DIAPH2: variants seen among roughly 807,000 people sequenced by gnomAD.
DIAPH2 encodes the protein diaphanous related formin 2, also known as protein diaphanous homolog 2.
A neutral mutation model predicts 92.7 loss-of-function variants in DIAPH2; 35 were observed. That is an observed-to-expected ratio of 0.38 (90% CI 0.29 to 0.50). The LOEUF (loss-of-function observed/expected upper bound fraction) is 0.50, where lower values mean the gene tolerates loss of function less well. DIAPH2 is among the 20% of genes least tolerant of loss of function. The probability of loss-of-function intolerance (pLI) is 0.94; values close to 1 mark genes in which losing one functional copy is unlikely to be tolerated. For missense variants in DIAPH2, 701 were observed against 819.5 expected (o/e 0.86, Z 1.77); for synonymous variants, 301 against 280.4 (o/e 1.07, Z -0.73).
chrX:97,094,220 G>A (rs962600380), intron 19 of DIAPH2, among the ~76,000 whole-genome samples: 90 of 111,635 alleles, frequency 8.1e-4, no homozygotes, highest in African/African-American at 2.9e-3. Flanking sequence ...CAGGGCTGGA[G>A]ACGTTCATTT....
chrX:96,798,252 C>A (rs1301413529), intron 4 of DIAPH2, among the ~76,000 whole-genome samples: 1 of 112,040 alleles, frequency 8.9e-6, no homozygotes, highest in Non-Finnish European at 1.9e-5. Context: ...TGTAGTAGAT[C>A]ACTTTATATT....
intron 1 of DIAPH2, among the ~76,000 whole-genome samples, chrX:96,693,871 C>G (rs1041482665): frequency 8.9e-6 from 1 of 111,812 alleles, no homozygotes; most frequent in Non-Finnish European, 1.9e-5. Context: ...CCCATCTCTA[C>G]TAAAAATACA....
intron 5 of DIAPH2, among the ~76,000 whole-genome samples, chrX:96,898,766 A>G (rs1337339007): frequency 2.8e-5 from 3 of 105,951 alleles, no homozygotes; most frequent in African/African-American, 1.0e-4. Flanking sequence ...TTTTGTTGCC[A>G]TTGCTTTTGG....
intron 4 of DIAPH2, among the ~76,000 whole-genome samples, chrX:96,786,400 T>C (rs1468327299): frequency 1.1e-4 from 12 of 111,816 alleles, no homozygotes; most frequent in Admixed American, 1.0e-3. Context: ...GCCATGTCTG[T>C]TGTGAAGAGC....
At chrX:97,488,955 C>T (rs1021818164) in intron 26 of DIAPH2, among the ~76,000 whole-genome samples, 1 of 111,807 alleles carries the variant, frequency 8.9e-6, no homozygotes, top group East Asian at 2.8e-4. Context: ...ATGAATTTTA[C>T]GATGGGTTTT....
intron 24 of DIAPH2, among the ~76,000 whole-genome samples, chrX:97,356,157 C>T (rs2069264661): frequency 9.0e-6 from 1 of 111,570 alleles, no homozygotes; most frequent in Non-Finnish European, 1.9e-5. Context: ...GTTCATTTTG[C>T]ATCTCTTCTG....
chrX:97,504,416 A>G (rs1387710583), intron 26 of DIAPH2, among the ~76,000 whole-genome samples: 3 of 112,664 alleles, frequency 2.7e-5, no homozygotes, highest in African/African-American at 9.7e-5. Context: ...TGTCGATCCA[A>G]TTATGCTTTT....
chrX:97,337,937 A>G (rs924029431), intron 23 of DIAPH2, among the ~76,000 whole-genome samples: 1 of 106,663 alleles, frequency 9.4e-6, no homozygotes, highest in Non-Finnish European at 1.9e-5. Context: ...CAGTGGTGCA[A>G]TCTCAGCTCA....
At chrX:97,059,502 A>G (rs377473270) in intron 17 of DIAPH2, among the ~76,000 whole-genome samples, 2 of 111,367 alleles carry the variant, frequency 1.8e-5, no homozygotes, top group African/African-American at 6.5e-5. Context: ...CCCGCCATGC[A>G]GTTGAAAACT....
chrX:97,396,602 C>T (rs1279334217), intron 25 of DIAPH2, among the ~76,000 whole-genome samples: 1 of 110,891 alleles, frequency 9.0e-6, no homozygotes, highest in Non-Finnish European at 1.9e-5. Flanking sequence ...AACCCGGGTA[C>T]TCCAGTCTGG....
chrX:97,211,382 AT>A (rs967062061), intron 22 of DIAPH2, among the ~76,000 whole-genome samples: 4 of 111,337 alleles, frequency 3.6e-5, no homozygotes, highest in African/African-American at 1.3e-4. Flanking sequence ...AACTAATAGT[AT>A]TTGTATTTTC....
At position 96,738,572 on chromosome X, in the gene DIAPH2, A is replaced by C. The variant is rs756506766; in HGVS notation, c.166-14A>C. On this transcript the variant is annotated splice_polypyrimidine_tract_variant and intron_variant, in intron 2 of 26. Coordinates refer to ENST00000324765, the MANE Select transcript of DIAPH2 (RefSeq NM_006729.5). Reference sequence around the variant, plus strand: ...TTTTCTCAGGGCTTTTTATTTATTTATTTTTGTTTGCAGCGTGACCGAATT... The same window carrying C: ...TTTTCTCAGGGCTTTTTATTTATTTCTTTTTGTTTGCAGCGTGACCGAATT... 8.5e-7 allele frequency: 1 copy of C among 1,172,396 alleles called. No individual in the cohort carries two copies. Among genetic ancestry groups the C allele is most frequent in the East Asian group, 3.0e-5 (1 of 33,522 alleles).
intron 13 of DIAPH2, among the ~76,000 whole-genome samples, chrX:96,942,560 A>G (rs2065711946): frequency 9.0e-6 from 1 of 111,491 alleles, no homozygotes; most frequent in South Asian, 3.8e-4. Context: ...TTTAGAAAAG[A>G]AATACAGGCT....
chrX:97,089,822 G>A lies in DIAPH2; in HGVS notation c.2248-9872G>A, dbSNP rs893419574. 7.2e-5 allele frequency among the ~76,000 whole-genome samples: 8 copies of A among 110,673 alleles called. No homozygotes were observed. The East Asian group carries it at 2.3e-3, about 32-fold the overall frequency. ...GGCTCAGTGCAAGCTCTGCCTCCTG[G>A]GTTCACGCCATTCTCCTGCCTCAGC... On this transcript the variant is annotated intron_variant, in intron 19 of 26. Transcript: ENST00000324765.
chrX:97,431,975 A>G (rs1281545204), intron 26 of DIAPH2, among the ~76,000 whole-genome samples: 2 of 111,886 alleles, frequency 1.8e-5, no homozygotes, highest in African/African-American at 6.5e-5. Flanking sequence ...TTCCTTTCCA[A>G]GATCCCATTG....
intron 4 of DIAPH2, among the ~76,000 whole-genome samples, chrX:96,842,087 G>A (rs1397611506): frequency 9.0e-6 from 1 of 111,155 alleles, no homozygotes; most frequent in East Asian, 2.8e-4. Flanking sequence ...AGGCCATCTG[G>A]ACGTATACAT....
At chrX:96,960,300 T>G (rs770976105) in intron 16 of DIAPH2, among the ~76,000 whole-genome samples, 3 of 111,660 alleles carry the variant, frequency 2.7e-5, no homozygotes, top group African/African-American at 9.7e-5. Flanking sequence ...GTTTTGTAGT[T>G]TTTCTTATAA....
chrX:97,354,460 C>A (rs1569371299), intron 24 of DIAPH2, among the ~76,000 whole-genome samples: 1 of 111,330 alleles, frequency 9.0e-6, no homozygotes, highest in African/African-American at 3.3e-5. Flanking sequence ...GCAACCTCCA[C>A]CCCCTGGGTT....
chrX:97,099,561 G>A (rs891898226), intron 19 of DIAPH2, 133 bp from the exon 20 acceptor site: 53 of 350,972 alleles, frequency 1.5e-4, no homozygotes, highest in East Asian at 1.2e-3. Flanking sequence ...GGGGAAGGGC[G>A]GATACTCTGG....
Sources: allele counts gnomAD v4.1 joint callset (sites outside exome capture counted in the v4.1 genomes callset), GRCh38; gene constraint gnomAD v4.1.1; transcripts MANE v1.5; gene names NCBI Gene and HGNC (gene_info 2026-07-23, HGNC 2026-07-21).